Variants in PRKG1 observed in about 807,000 individuals in gnomAD.
PRKG1 encodes the protein protein kinase cGMP-dependent 1.
In PRKG1, 35 loss-of-function variants were observed where a neutral mutation model predicts 88.1. The ratio of observed to expected loss-of-function variants is 0.40; its 90% confidence interval spans 0.30 to 0.53. The LOEUF (loss-of-function observed/expected upper bound fraction) is 0.53. PRKG1 is among the 20% of genes least tolerant of loss of function. The probability of loss-of-function intolerance (pLI) is 0.59; values close to 1 mark genes in which losing one functional copy is unlikely to be tolerated. For missense variants in PRKG1, 540 were observed against 839.8 expected, an observed-to-expected ratio of 0.64 and a Z score of 4.41; for synonymous variants, 303 against 292.5, an observed-to-expected ratio of 1.04 and a Z score of -0.37.
intron 4 of PRKG1, among the ~76,000 whole-genome samples, chr10:51,818,668 A>G (rs1309830122): frequency 6.6e-6 from 1 of 152,130 alleles, no homozygotes; most frequent in Non-Finnish European, 1.5e-5. Context: ...TTCTCTCTTC[A>G]GTACTGGCTT....
At chr10:51,410,806 AAGTTTTTATTT>A (rs1333217018) in intron 2 of PRKG1, among the ~76,000 whole-genome samples, 1 of 151,482 alleles carries the variant, frequency 6.6e-6, no homozygotes, top group Non-Finnish European at 1.5e-5. Context: ...ATATAAATAA[AAGTTTTTATTT>A]AAAGTGTATA....
intron 17 of PRKG1, 145 bp downstream of exon 17, chr10:52,290,435 T>C: frequency 1.4e-6 from 1 of 695,792 alleles, no homozygotes. Flanking sequence ...TAATGACATA[T>C]TCTAAAATCC....
At chr10:51,956,087 A>G (rs1344574759) in intron 5 of PRKG1, among the ~76,000 whole-genome samples, 4 of 152,146 alleles carry the variant, frequency 2.6e-5, no homozygotes, top group African/African-American at 9.6e-5. Context: ...AAGGAACCAC[A>G]TCTTGAAGGA....
chr10:51,718,701 C>A (rs4454675), intron 3 of PRKG1, among the ~76,000 whole-genome samples: 67,221 of 151,908 alleles, frequency 0.44, 15,466 homozygotes, highest in Middle Eastern at 0.57. Context: ...GTTCTCACTT[C>A]TTTGTAGAAT....
chr10:51,877,967 C>A (rs555424528), intron 4 of PRKG1, among the ~76,000 whole-genome samples: 31 of 152,254 alleles, frequency 2.0e-4, no homozygotes, highest in Admixed American at 2.0e-4. Context: ...GTTGAGGAAT[C>A]AGTTAACACT....
intron 14 of PRKG1, among the ~76,000 whole-genome samples, chr10:52,285,613 G>C (rs1270445275): frequency 6.6e-6 from 1 of 152,052 alleles, no homozygotes; most frequent in African/African-American, 2.4e-5. Flanking sequence ...AGATGCAAAA[G>C]TAAAAGAAAG....
intron 3 of PRKG1, among the ~76,000 whole-genome samples, chr10:51,656,358 T>G (rs182673078): frequency 0.016 from 2,471 of 152,250 alleles, 51 homozygotes; most frequent in South Asian, 0.044. Flanking sequence ...TTGATCACAC[T>G]TGGTCGTGCT....
At chr10:51,760,527 A>C (rs1276592933) in intron 3 of PRKG1, among the ~76,000 whole-genome samples, 1 of 147,824 alleles carries the variant, frequency 6.8e-6, no homozygotes, top group South Asian at 2.2e-4. Flanking sequence ...GCTGGAGTGC[A>C]GTGGCACTAT....
At chr10:51,389,461 C>G (rs552944081) in intron 2 of PRKG1, among the ~76,000 whole-genome samples, 5 of 152,216 alleles carry the variant, frequency 3.3e-5, no homozygotes, top group African/African-American at 1.2e-4. Context: ...AATTTCATCT[C>G]TATTGATCAC....
At chr10:52,224,791 G>T (rs1840340656) in intron 9 of PRKG1, among the ~76,000 whole-genome samples, 1 of 104,486 alleles carries the variant, frequency 9.6e-6, no homozygotes, top group African/African-American at 3.7e-5. Context: ...CCTTTTTATG[G>T]CTGCATAGTA....
intron 3 of PRKG1, among the ~76,000 whole-genome samples, chr10:51,498,955 T>G (rs1840944828): frequency 6.6e-6 from 1 of 152,030 alleles, no homozygotes; most frequent in Admixed American, 6.5e-5. Context: ...AAACATCTTC[T>G]TGCCCCCAGT....
chr10:52,023,542 AG>A (rs1845244564), intron 5 of PRKG1, among the ~76,000 whole-genome samples: 1 of 152,240 alleles, frequency 6.6e-6, no homozygotes, highest in African/African-American at 2.4e-5. Flanking sequence ...ACAGTGTAAA[AG>A]TGTTCCTGTT....
intron 3 of PRKG1, among the ~76,000 whole-genome samples, chr10:51,728,923 C>A (rs748435255): frequency 1.3e-5 from 2 of 152,170 alleles, no homozygotes; most frequent in Non-Finnish European, 2.9e-5. Context: ...GAACTTTATT[C>A]CCCTTTCAGA....
At chr10:51,030,827 A>G (rs1843272843) in intron 1 of PRKG1, among the ~76,000 whole-genome samples, 1 of 152,172 alleles carries the variant, frequency 6.6e-6, no homozygotes, top group Admixed American at 6.6e-5. Context: ...CCTGACCAGA[A>G]GCAGATGCTG....
At chr10:51,412,559 G>A (rs947085336) in intron 2 of PRKG1, among the ~76,000 whole-genome samples, 6 of 152,082 alleles carry the variant, frequency 3.9e-5, no homozygotes, top group Non-Finnish European at 7.4e-5. Context: ...CAGGAGAATC[G>A]CTTGAACCCG....
chr10:51,341,863 T>C (rs775823304), intron 2 of PRKG1, among the ~76,000 whole-genome samples: 15 of 152,156 alleles, frequency 9.9e-5, no homozygotes, highest in Non-Finnish European at 2.1e-4. Flanking sequence ...ACGTCTTACA[T>C]GGCAGCAGGC....
At chr10:51,698,878 T>A (rs749394479) in intron 3 of PRKG1, 8 of 1,613,920 alleles carry the variant, frequency 5.0e-6, no homozygotes, top group Non-Finnish European at 5.9e-6. Flanking sequence ...GAACATTAGG[T>A]CCTGGGCAGA....
At chr10:51,483,132 CGCGTCA>C (rs954742370) in intron 3 of PRKG1, among the ~76,000 whole-genome samples, 1 of 151,346 alleles carries the variant, frequency 6.6e-6, no homozygotes, top group Non-Finnish European at 1.5e-5. Flanking sequence ...GCAATTCTTC[CGCGTCA>C]GCCTCCCGAG....
At chr10:52,085,446 G>A (rs1285928813) in intron 7 of PRKG1, among the ~76,000 whole-genome samples, 1 of 151,960 alleles carries the variant, frequency 6.6e-6, no homozygotes, top group Non-Finnish European at 1.5e-5. Flanking sequence ...GTGTTCAATG[G>A]CTGATCAATT....
Sources: gnomAD v4.1 joint callset for allele counts (sites outside exome capture counted in the v4.1 genomes callset) on GRCh38, gnomAD v4.1.1 for gene constraint, MANE v1.5 for transcripts, NCBI Gene and HGNC (gene_info 2026-07-23, HGNC 2026-07-21) for gene names.